SEMA5A: variants seen among roughly 807,000 people sequenced by gnomAD.
The protein encoded by SEMA5A is semaphorin 5A.
In SEMA5A, 55 loss-of-function variants were observed where a neutral mutation model predicts 135.5. The ratio of observed to expected loss-of-function variants is 0.41; its 90% CI spans 0.33 to 0.51. The LOEUF (loss-of-function observed/expected upper bound fraction) is 0.51, where lower values mean the gene tolerates loss of function less well. Ranked by LOEUF, SEMA5A falls within the 20% of genes least tolerant of loss-of-function variation. SEMA5A has a pLI of 0.37. For missense variants in SEMA5A, 1,290 were observed against 1,419.9 expected (o/e 0.91, Z 1.47); for synonymous variants, 580 against 546.5 (o/e 1.06, Z -0.85).
At chr5:9,234,899 G>T (rs1424123836) in intron 6 of SEMA5A, among the ~76,000 whole-genome samples, 1 of 152,110 alleles carries the variant, frequency 6.6e-6, no homozygotes, top group African/African-American at 2.4e-5. Flanking sequence ...TGAATCGAGG[G>T]TATATTACCT....
At chr5:9,132,919 C>G (rs140629846) in intron 13 of SEMA5A, among the ~76,000 whole-genome samples, 1 of 152,330 alleles carries the variant, frequency 6.6e-6, no homozygotes, top group Admixed American at 6.5e-5. Flanking sequence ...AGATACATAC[C>G]TCTATGATCT....
At chr5:9,364,664 T>C (rs1467194453) in intron 3 of SEMA5A, among the ~76,000 whole-genome samples, 1 of 152,240 alleles carries the variant, frequency 6.6e-6, no homozygotes, top group Non-Finnish European at 1.5e-5. Context: ...TTTTTAATTA[T>C]AATTTCTACA....
In SEMA5A at chr5:9,232,661, A is replaced by G. The variant is rs376888046; in HGVS notation, c.333+5167T>C. Among the ~76,000 whole-genome samples, 22 of 152,350 alleles carry G rather than the reference A, an allele frequency of 1.4e-4. No homozygotes were observed. The East Asian group carries it at 4.2e-3, about 29-fold the overall frequency. On this transcript the variant is annotated intron_variant, in intron 6 of 22. Transcript: ENST00000382496. ...TACAGTGTATTGATATATAAAATATACTATACTGTATATATGTACATACTC... is the reference window on the plus strand; with the variant it reads ...TACAGTGTATTGATATATAAAATATGCTATACTGTATATATGTACATACTC...
At chr5:9,381,992 GCA>G (rs1554028162) in intron 2 of SEMA5A, among the ~76,000 whole-genome samples, 7 of 147,896 alleles carry the variant, frequency 4.7e-5, no homozygotes, top group African/African-American at 1.5e-4. Flanking sequence ...GCGCGCGCGC[GCA>G]CATCAAGTTT....
intron 3 of SEMA5A, among the ~76,000 whole-genome samples, chr5:9,352,304 A>T (rs949539500): frequency 6.6e-6 from 1 of 151,792 alleles, no homozygotes; most frequent in Non-Finnish European, 1.5e-5. Context: ...ATATCTTTTT[A>T]TTTTATTTTA....
chr5:9,418,376 G>C (rs1412056624), intron 2 of SEMA5A, among the ~76,000 whole-genome samples: 1 of 152,104 alleles, frequency 6.6e-6, no homozygotes, highest in Non-Finnish European at 1.5e-5. Flanking sequence ...ATCAAACTGG[G>C]TGTTAGGATT....
intron 3 of SEMA5A, among the ~76,000 whole-genome samples, chr5:9,369,903 C>T (rs1382309803): frequency 6.6e-6 from 1 of 152,046 alleles, no homozygotes; most frequent in Non-Finnish European, 1.5e-5. Context: ...CCATTCCCTG[C>T]CTTATATTTT....
At chr5:9,167,427 C>T (rs928999219) in intron 11 of SEMA5A, among the ~76,000 whole-genome samples, 4 of 152,178 alleles carry the variant, frequency 2.6e-5, no homozygotes, top group African/African-American at 7.2e-5. Flanking sequence ...CACCTGAAAT[C>T]CTGAATCCAC....
chr5:9,398,174 T>C (rs1756485960), intron 2 of SEMA5A, among the ~76,000 whole-genome samples: 3 of 152,162 alleles, frequency 2.0e-5, no homozygotes, highest in African/African-American at 7.2e-5. Context: ...CAAAGACCAC[T>C]GACTGAGATG....
intron 11 of SEMA5A, among the ~76,000 whole-genome samples, chr5:9,175,752 T>A (rs1266614007): frequency 6.6e-6 from 1 of 152,228 alleles, no homozygotes; most frequent in Non-Finnish European, 1.5e-5. Context: ...ACCAGAACAA[T>A]TTCTCCCTTT....
intron 5 of SEMA5A, among the ~76,000 whole-genome samples, chr5:9,275,663 T>C (rs1750222477): frequency 6.6e-6 from 1 of 152,236 alleles, no homozygotes; most frequent in Admixed American, 6.5e-5. Flanking sequence ...ATCCCAGGGA[T>C]GCAGTCTGGT....
intron 16 of SEMA5A, among the ~76,000 whole-genome samples, chr5:9,079,107 C>A (rs1022116009): frequency 6.6e-6 from 1 of 152,028 alleles, no homozygotes; most frequent in Middle Eastern, 3.2e-3. Context: ...AATTTAAATA[C>A]CATTTTCCTC....
At chr5:9,282,027 G>T (rs988089030) in intron 5 of SEMA5A, among the ~76,000 whole-genome samples, 1 of 151,964 alleles carries the variant, frequency 6.6e-6, no homozygotes, top group Admixed American at 6.6e-5. Context: ...TGGCCAGGCT[G>T]GTCTTGAACT....
At chr5:9,455,666 T>G (rs1473248220) in intron 1 of SEMA5A, among the ~76,000 whole-genome samples, 1 of 152,198 alleles carries the variant, frequency 6.6e-6, no homozygotes, top group East Asian at 1.9e-4. Context: ...AATCTTATAG[T>G]AAGAAATTGT....
chr5:9,245,704 A>T (rs1748447822), intron 5 of SEMA5A, among the ~76,000 whole-genome samples: 1 of 152,220 alleles, frequency 6.6e-6, no homozygotes, highest in African/African-American at 2.4e-5. Flanking sequence ...TAAAGTCTTA[A>T]AATTCTGTAC....
chr5:9,155,980 T>TTAAATATGC (rs1305938529), intron 11 of SEMA5A, among the ~76,000 whole-genome samples: 1 of 152,230 alleles, frequency 6.6e-6, no homozygotes, highest in African/African-American at 2.4e-5. Flanking sequence ...AGCTAACTGG[T>TTAAATATGC]TAAATATGCT....
chr5:9,398,447 C>A (rs1352630007), intron 2 of SEMA5A, among the ~76,000 whole-genome samples: 1 of 152,216 alleles, frequency 6.6e-6, no homozygotes, highest in African/African-American at 2.4e-5. Context: ...GCTTATTGTG[C>A]AATATTTTTC....
intron 8 of SEMA5A, among the ~76,000 whole-genome samples, chr5:9,202,843 G>A (rs534418584): frequency 3.3e-4 from 51 of 152,266 alleles, no homozygotes; most frequent in African/African-American, 1.2e-3. Flanking sequence ...TGGTGACCAT[G>A]GAATAGTGAA....
At chr5:9,091,223 A>G (rs910263009) in intron 16 of SEMA5A, among the ~76,000 whole-genome samples, 3 of 152,250 alleles carry the variant, frequency 2.0e-5, no homozygotes, top group Admixed American at 6.5e-5. Flanking sequence ...TACAATGTCC[A>G]TTGATTACTT....
Sources: allele counts gnomAD v4.1 joint callset (sites outside exome capture counted in the v4.1 genomes callset), GRCh38; gene constraint gnomAD v4.1.1; transcripts MANE v1.5; gene names NCBI Gene and HGNC (gene_info 2026-07-23, HGNC 2026-07-21).